The following LMLN variants were observed in gnomAD, a reference collection of about 807,000 sequenced individuals.
LMLN encodes the protein leishmanolysin like peptidase, also known as leishmanolysin-like peptidase.
A neutral mutation model predicts 92.3 loss-of-function variants in LMLN; 70 were observed. That is an observed-to-expected ratio of 0.76 (90% CI 0.63 to 0.92). The LOEUF is 0.92. Ranked by LOEUF, LMLN falls within the 40% of genes least tolerant of loss-of-function variation. The pLI is 0.00. For missense variants in LMLN, 691 were observed against 814.6 expected, an observed-to-expected ratio of 0.85 and a Z score of 1.85; for synonymous variants, 308 against 296.2, an observed-to-expected ratio of 1.04 and a Z score of -0.41.
chr3:197,961,371 A>G (rs1282656296), intron 1 of LMLN, among the ~76,000 whole-genome samples: 3 of 152,220 alleles, frequency 2.0e-5, no homozygotes, highest in African/African-American at 4.8e-5. Context: ...CACATGTTCA[A>G]TTCAGCCCAG....
At chr3:197,963,782 C>G (rs921264127) in intron 1 of LMLN, among the ~76,000 whole-genome samples, 1 of 152,122 alleles carries the variant, frequency 6.6e-6, no homozygotes, top group Non-Finnish European at 1.5e-5. Context: ...ATTTTTTCCC[C>G]CTTATTGCTC....
intron 1 of LMLN, among the ~76,000 whole-genome samples, chr3:197,968,593 A>G (rs1721128983): frequency 6.6e-6 from 1 of 152,198 alleles, no homozygotes; most frequent in African/African-American, 2.4e-5. Context: ...TGGGAACTGT[A>G]TGTGTCCATA....
intron 1 of LMLN, 93 bp from the exon 2 acceptor site, chr3:197,974,284 A>T: frequency 2.9e-6 from 2 of 686,602 alleles, no homozygotes; most frequent in Non-Finnish European, 2.5e-6. Flanking sequence ...TCTGGGTATT[A>T]CACTTGAAAT....
At chr3:197,981,203 C>T (rs1721548934) in intron 6 of LMLN, among the ~76,000 whole-genome samples, 1 of 151,646 alleles carries the variant, frequency 6.6e-6, no homozygotes, top group African/African-American at 2.4e-5. Context: ...GAAACTCTGT[C>T]TCTACAAAAA....
exon 6 of LMLN, chr3:197,980,452 G>A (rs1211178419): frequency 3.7e-6 from 6 of 1,614,084 alleles, no homozygotes; most frequent in South Asian, 3.3e-5. Context: ...ATGCAGCCAT[G>A]AAAACATCAT....
At chr3:198,022,027 G>A (rs7427474) in intron 13 of LMLN, among the ~76,000 whole-genome samples, 10,137 of 152,272 alleles carry the variant, frequency 0.067, 410 homozygotes, top group African/African-American at 0.11. Flanking sequence ...CAGATAGGCG[G>A]ATAGATACTA....
intron 13 of LMLN, among the ~76,000 whole-genome samples, chr3:198,024,199 C>A (rs1179235671): frequency 1.3e-5 from 2 of 151,712 alleles, no homozygotes; most frequent in African/African-American, 4.8e-5. Context: ...GAGTTTGGAA[C>A]CCTGTGGATC....
intron 9 of LMLN, among the ~76,000 whole-genome samples, chr3:197,994,002 G>T (rs1721952510): frequency 6.6e-6 from 1 of 152,136 alleles, no homozygotes; most frequent in Non-Finnish European, 1.5e-5. Flanking sequence ...TAATAAAGGT[G>T]CTAAGAATAC....
chr3:198,010,644 T>A (rs1722408076), intron 11 of LMLN, among the ~76,000 whole-genome samples: 1 of 151,866 alleles, frequency 6.6e-6, no homozygotes, highest in African/African-American at 2.4e-5. Flanking sequence ...AGAGACAGGG[T>A]TTCACTGTAT....
chr3:197,975,983 C>A, intron 3 of LMLN, 46 bp from the exon 4 acceptor site: 1 of 1,129,620 alleles, frequency 8.9e-7, no homozygotes, highest in Non-Finnish European at 1.3e-6. Context: ...TATAATTTAT[C>A]TCTTCCTTAT....
Position 198,036,052 on chromosome 3 carries a change from T to TC in LMLN, c.1867+10dup. 6.2e-7 allele frequency: 1 copy of TC among 1,610,312 alleles called. No individual in the cohort carries two copies. On this transcript the variant is annotated intron_variant, in intron 15 of 15. Coordinates refer to ENST00000330198, the Ensembl canonical transcript of LMLN. ...CCGAGCTCTGCCACTTGGTGAGTGC[T>TC]CTCTATGGTTGGAATAAAGAGGGAA...
At chr3:197,999,624 C>T (rs1722117849) in intron 11 of LMLN, 1 of 323,750 alleles carries the variant, frequency 3.1e-6, no homozygotes, top group Non-Finnish European at 5.7e-6. Context: ...ACTTCCCGGG[C>T]TCAAGCAGTC....
chr3:197,969,990 A>G (rs1451669800), intron 1 of LMLN, among the ~76,000 whole-genome samples: 2 of 152,008 alleles, frequency 1.3e-5, no homozygotes. Context: ...CTAAAATTAC[A>G]AAAGTACAAA....
At chr3:198,016,437 A>C (rs2109929624) in intron 11 of LMLN, among the ~76,000 whole-genome samples, 1 of 152,288 alleles carries the variant, frequency 6.6e-6, no homozygotes, top group East Asian at 1.9e-4. Context: ...TGCTTATGAA[A>C]ATCGTCTACA....
At chr3:197,999,876 A>T (rs1275116414) in intron 11 of LMLN, 3 of 152,268 alleles carry the variant, frequency 2.0e-5, no homozygotes, top group African/African-American at 7.2e-5. Context: ...CATACCCCTG[A>T]TATGATTTGT....
intron 13 of LMLN, 112 bp from the exon 15 acceptor site, chr3:198,024,546 G>A (rs943666836): frequency 1.3e-5 from 13 of 1,020,020 alleles, no homozygotes; most frequent in Admixed American, 6.6e-5. Flanking sequence ...AAATTTCCAT[G>A]AAACATGTCT....
intron 9 of LMLN, among the ~76,000 whole-genome samples, chr3:197,991,863 C>CTTT (rs34726731): frequency 0.059 from 8,001 of 135,722 alleles, 283 homozygotes; most frequent in African/African-American, 0.085. Flanking sequence ...TACTGAGCAA[C>CTTT]TTTTTTTTTT....
intron 11 of LMLN, among the ~76,000 whole-genome samples, chr3:198,002,706 C>G (rs1722207749): frequency 6.6e-6 from 1 of 152,048 alleles, no homozygotes; most frequent in South Asian, 2.1e-4. Flanking sequence ...CCACTGCACT[C>G]CAGCCTGGGT....
At chr3:198,013,104 C>T (rs1166392421) in intron 11 of LMLN, among the ~76,000 whole-genome samples, 18 of 132,160 alleles carry the variant, frequency 1.4e-4, no homozygotes, top group South Asian at 2.5e-4. Context: ...CCCTTCAGAG[C>T]CCCCTAACTA....
Sources: allele counts gnomAD v4.1 joint callset (sites outside exome capture counted in the v4.1 genomes callset), GRCh38; gene constraint gnomAD v4.1.1; transcripts MANE v1.5; gene names NCBI Gene and HGNC (gene_info 2026-07-23, HGNC 2026-07-21).